The following MEF2C variants were observed in gnomAD, a reference collection of about 807,000 sequenced individuals.
MEF2C encodes the protein myocyte enhancer factor 2C.
MEF2C carries 6 observed loss-of-function variants against 50.5 expected under a neutral mutation model. The ratio of observed to expected loss-of-function variants is 0.12; its 90% CI spans 0.07 to 0.23. MEF2C has a LOEUF of 0.23. Ranked by LOEUF, MEF2C falls within the 10% of genes least tolerant of loss-of-function variation. The pLI is 1.00. For missense variants in MEF2C, 276 were observed against 605.0 expected, an observed-to-expected ratio of 0.46 and a Z score of 5.70; for synonymous variants, 183 against 228.0, an observed-to-expected ratio of 0.80 and a Z score of 1.78.
At chr5:88,847,059 G>C (rs1819600859) in intron 1 of MEF2C, among the ~76,000 whole-genome samples, 1 of 152,158 alleles carries the variant, frequency 6.6e-6, no homozygotes, top group Admixed American at 6.5e-5. Flanking sequence ...CTGGAACATG[G>C]AGTTAGCAAC....
intron 1 of MEF2C, among the ~76,000 whole-genome samples, chr5:88,826,688 T>C (rs1271912112): frequency 1.3e-5 from 2 of 152,040 alleles, no homozygotes; most frequent in African/African-American, 4.8e-5. Flanking sequence ...AAAGAGATTA[T>C]TTAACTTTAG....
chr5:88,816,221 G>A (rs889838702), intron 2 of MEF2C, among the ~76,000 whole-genome samples: 4 of 151,998 alleles, frequency 2.6e-5, no homozygotes, highest in Non-Finnish European at 5.9e-5. Flanking sequence ...GTGAATGAAT[G>A]AGATTGACGG....
At chr5:88,876,174 A>C (rs1200877771) in intron 1 of MEF2C, among the ~76,000 whole-genome samples, 1 of 151,698 alleles carries the variant, frequency 6.6e-6, no homozygotes, top group Admixed American at 6.6e-5. Context: ...ATATAACTTA[A>C]AACATCTGCT....
chr5:88,864,764 CA>C (rs1477495417), intron 1 of MEF2C, among the ~76,000 whole-genome samples: 11 of 145,130 alleles, frequency 7.6e-5, no homozygotes, highest in African/African-American at 2.0e-4. Flanking sequence ...CTTGTTTTTT[CA>C]AATTTTTTTT....
At chr5:88,900,562 A>C (rs1396029127) in intron 1 of MEF2C, among the ~76,000 whole-genome samples, 4 of 151,918 alleles carry the variant, frequency 2.6e-5, no homozygotes, top group African/African-American at 9.7e-5. Flanking sequence ...AAGACAAATA[A>C]AAAACTTTTG....
chr5:88,812,394 G>C (rs1581097475), intron 2 of MEF2C, among the ~76,000 whole-genome samples: 1 of 152,092 alleles, frequency 6.6e-6, no homozygotes, highest in Non-Finnish European at 1.5e-5. Flanking sequence ...ATGTTAACAA[G>C]AAGTTTGCTA....
At chr5:88,888,332 C>G (rs1408606224) in intron 1 of MEF2C, 1 of 152,242 alleles carries the variant, frequency 6.6e-6, no homozygotes, top group Non-Finnish European at 1.5e-5. Flanking sequence ...TGAGACACAT[C>G]AGACCAGGAT....
At chr5:88,884,799 C>CAAA (rs34331976), upstream of MEF2C, among the ~76,000 whole-genome samples, 155 of 109,282 alleles carry the variant, frequency 1.4e-3, no homozygotes, top group African/African-American at 4.8e-3. Context: ...CTTTTCCTTA[C>CAAA]AAAAAAAAAA....
At position 88,734,901 on chromosome 5, in the gene MEF2C, T is replaced by C. The variant is rs1190898612; in HGVS notation, c.638-3000A>G. 5 of 982,316 alleles carry C rather than the reference T, an allele frequency of 5.1e-6. No homozygotes were observed. The South Asian group carries it at 2.4e-4, about 46-fold the overall frequency. The allele number at this position is 982,316 out of a possible 1,614,324, so 60.8% of individuals were successfully genotyped here. ...CATGATGACACTTCTTAAATTCATA[T>C]TTTTAGAGCATCAAGTTATTTTTAA... is the stretch of plus-strand genomic sequence containing the variant. On this transcript the variant is annotated intron_variant, in intron 6 of 10. Transcript: ENST00000504921.
chr5:88,787,835 T>G (rs776211349), intron 3 of MEF2C, among the ~76,000 whole-genome samples: 5 of 152,226 alleles, frequency 3.3e-5, no homozygotes, highest in African/African-American at 4.8e-5. Flanking sequence ...GGGACCTAGC[T>G]TATTTCTACG....
At chr5:88,861,389 T>C (rs544425772) in intron 1 of MEF2C, among the ~76,000 whole-genome samples, 2 of 152,362 alleles carry the variant, frequency 1.3e-5, no homozygotes, top group South Asian at 4.1e-4. Context: ...AGATCTGAAA[T>C]GAATCATATT....
chr5:88,869,316 C>T (rs11953014), intron 1 of MEF2C, among the ~76,000 whole-genome samples: 9,366 of 84,742 alleles, frequency 0.11, 694 homozygotes, highest in African/African-American at 0.24. Context: ...TATATATATA[C>T]ACATATAGCT....
intron 4 of MEF2C, among the ~76,000 whole-genome samples, chr5:88,758,000 G>A (rs1217134068): frequency 2.0e-5 from 3 of 151,838 alleles, no homozygotes; most frequent in Non-Finnish European, 4.4e-5. Context: ...TACCACCTTA[G>A]CTACACCTGG....
rs1755921053 is a variant in MEF2C at position 88,720,415 on chromosome 5, G to A, written c.*2189C>T. ...TGGATACAACCAAAGGTGCATTGTGGTCTAATTGTGGATTTCAGATCAAGT... is the reference window on the plus strand; with the variant it reads ...TGGATACAACCAAAGGTGCATTGTGATCTAATTGTGGATTTCAGATCAAGT... On this transcript the variant is annotated 3_prime_UTR_variant, in exon 11 of 11. Transcript: ENST00000504921. The A allele has an allele frequency of 6.6e-6, 1 of 152,388 alleles. No individual in the cohort carries two copies. Among genetic ancestry groups the A allele is most frequent in the Admixed American group, 6.6e-5 (1 of 15,258 alleles). 9.4% of individuals were successfully genotyped at this position (152,388 alleles called of 1,614,324 possible).
chr5:88,737,981 G>T (rs1764820192), intron 6 of MEF2C: 2 of 985,382 alleles, frequency 2.0e-6, no homozygotes, highest in Non-Finnish European at 2.4e-6. Flanking sequence ...TTGGACTGCT[G>T]TTAGAGAAGC....
At chr5:88,792,848 G>A (rs1296219588) in intron 3 of MEF2C, among the ~76,000 whole-genome samples, 1 of 152,176 alleles carries the variant, frequency 6.6e-6, no homozygotes, top group Non-Finnish European at 1.5e-5. Context: ...AAAATTTAAT[G>A]AATTGTTTCA....
At chr5:88,839,351 C>CTATCTATCTATCTA (rs1554040261) in intron 1 of MEF2C, 1 of 146,298 alleles carries the variant, frequency 6.8e-6, no homozygotes, top group African/African-American at 2.6e-5. Flanking sequence ...CTCTCTCTCT[C>CTATCTATCTATCTA]TCTATCTATC....
At chr5:88,737,749 A>T (rs1764731599) in intron 6 of MEF2C, 1 of 985,272 alleles carries the variant, frequency 1.0e-6, no homozygotes. Flanking sequence ...GAAACAATGG[A>T]TCTTGAAGAG....
rs1794579232 is a variant in MEF2C, at chr5:88,793,212, C to G, written c.258+11386G>C. Among the ~76,000 whole-genome samples the G allele has an allele frequency of 2.0e-5, 3 of 152,074 alleles. No individual in the cohort carries two copies. The South Asian group carries it at 6.2e-4, about 32-fold the overall frequency. ...TTTCCAAAGTGTAATTGGGACCTGA[C>G]TTGAGTGAAGGATAAGTAACAGCCA... On this transcript the variant is annotated intron_variant, in intron 3 of 10. Transcript: ENST00000504921.
Sources: gnomAD v4.1 joint callset for allele counts (sites outside exome capture counted in the v4.1 genomes callset) on GRCh38, gnomAD v4.1.1 for gene constraint, MANE v1.5 for transcripts, NCBI Gene and HGNC (gene_info 2026-07-23, HGNC 2026-07-21) for gene names.